The following ANKS1B variants were observed in gnomAD, a reference collection of about 807,000 sequenced individuals.
ANKS1B encodes ankyrin repeat and sterile alpha motif domain containing 1B.
Under a neutral mutation model 148.3 loss-of-function variants are expected in ANKS1B, and 36 were observed. The ratio of observed to expected loss-of-function variants is 0.24; its 90% CI spans 0.19 to 0.32. The LOEUF (loss-of-function observed/expected upper bound fraction) is 0.32, where lower values mean the gene tolerates loss of function less well. Ranked by LOEUF, ANKS1B falls within the 10% of genes least tolerant of loss-of-function variation. ANKS1B has a pLI of 1.00. For missense variants in ANKS1B, 1,157 were observed against 1,542.6 expected (o/e 0.75, Z 4.19); for synonymous variants, 542 against 560.8 (o/e 0.97, Z 0.47).
rs77638020 is a variant in ANKS1B, at chr12:99,499,461, C to T, written c.1438+5015G>A. ...AGGAGTTTATATTTTCTGAAAGTGGCTGCAAGAATATCTTCTTATAATGTG... is the reference window on the plus strand; with the variant it reads ...AGGAGTTTATATTTTCTGAAAGTGGTTGCAAGAATATCTTCTTATAATGTG... On this transcript the variant is annotated intron_variant, in intron 10 of 26. Transcript: ENST00000683438. 7.9e-3 allele frequency among the ~76,000 whole-genome samples: 1,195 copies of T among 152,218 alleles called. 12 individuals carry two copies. Among genetic ancestry groups the T allele is most frequent in the African/African-American group, 0.027 (1,112 of 41,532 alleles).
At chr12:99,237,583 A>C (rs955967155) in intron 14 of ANKS1B, among the ~76,000 whole-genome samples, 4 of 152,184 alleles carry the variant, frequency 2.6e-5, no homozygotes, top group African/African-American at 9.7e-5. Context: ...GTATTATGGG[A>C]TACATAAAGA....
intron 26 of ANKS1B, among the ~76,000 whole-genome samples, chr12:98,747,368 T>C (rs1410545601): frequency 3.3e-5 from 5 of 152,104 alleles, no homozygotes; most frequent in Non-Finnish European, 7.4e-5. Flanking sequence ...TCACTAATCA[T>C]CAGGGACATG....
At chr12:99,332,124 T>C (rs566483480) in intron 12 of ANKS1B, among the ~76,000 whole-genome samples, 1 of 152,046 alleles carries the variant, frequency 6.6e-6, no homozygotes, top group South Asian at 2.1e-4. Context: ...CTGTATAGCG[T>C]GTTAAAGTGT....
chr12:99,951,673 G>A (rs776562965), intron 1 of ANKS1B, among the ~76,000 whole-genome samples: 2 of 151,466 alleles, frequency 1.3e-5, no homozygotes, highest in African/African-American at 4.9e-5. Flanking sequence ...CCAGGAGCTC[G>A]AGATCAGCCT....
chr12:99,412,964 G>C (rs1037105300), intron 11 of ANKS1B, among the ~76,000 whole-genome samples: 1 of 152,162 alleles, frequency 6.6e-6, no homozygotes, highest in Non-Finnish European at 1.5e-5. Context: ...TGAATATGAT[G>C]TTAATGTGAT....
intron 16 of ANKS1B, among the ~76,000 whole-genome samples, chr12:99,081,611 AT>A (rs892555023): frequency 4.3e-4 from 66 of 152,200 alleles, no homozygotes; most frequent in Middle Eastern, 6.8e-3. Context: ...CTCTCTACTA[AT>A]TTGTGTGCAG....
At chr12:99,634,979 T>C (rs1465574876) in intron 9 of ANKS1B, among the ~76,000 whole-genome samples, 1 of 152,112 alleles carries the variant, frequency 6.6e-6, no homozygotes, top group Non-Finnish European at 1.5e-5. Flanking sequence ...CCAGAGAAGA[T>C]ATACAAATGG....
At chr12:99,885,557 C>T (rs932577317) in intron 1 of ANKS1B, among the ~76,000 whole-genome samples, 2 of 152,226 alleles carry the variant, frequency 1.3e-5, no homozygotes, top group East Asian at 3.9e-4. Context: ...CCCGCCTGGG[C>T]CTCCCAAAGT....
At chr12:99,455,395 AAG>A (rs2095830712) in intron 10 of ANKS1B, among the ~76,000 whole-genome samples, 1 of 152,212 alleles carries the variant, frequency 6.6e-6, no homozygotes, top group African/African-American at 2.4e-5. Context: ...CTTTTGCTCC[AAG>A]AACTACCATA....
chr12:99,525,546 G>T (rs974471750), intron 9 of ANKS1B, among the ~76,000 whole-genome samples: 1 of 152,072 alleles, frequency 6.6e-6, no homozygotes, highest in African/African-American at 2.4e-5. Context: ...TTAAAAGAAG[G>T]TTCTGATGCT....
intron 8 of ANKS1B, among the ~76,000 whole-genome samples, chr12:99,667,428 T>G (rs1443545986): frequency 6.6e-6 from 1 of 152,074 alleles, no homozygotes; most frequent in East Asian, 1.9e-4. Context: ...AAAAAAAAAT[T>G]TGATTTTTAT....
intron 17 of ANKS1B, among the ~76,000 whole-genome samples, chr12:98,901,774 A>G (rs1280322906): frequency 6.6e-6 from 1 of 152,172 alleles, no homozygotes; most frequent in Non-Finnish European, 1.5e-5. Context: ...GAGTCCCACG[A>G]GTTAGGCATT....
In ANKS1B at chr12:99,731,413, C is replaced by CGTGTGTGT. The variant is rs71088145; in HGVS notation, c.1128+41501_1128+41508dup. Among the ~76,000 whole-genome samples the CGTGTGTGT allele has an allele frequency of 9.5e-3, 1,362 of 143,744 alleles. 8 individuals are homozygous for CGTGTGTGT. The highest frequency in any genetic ancestry group is 0.013 in the African/African-American group (498 of 38,350). 94.3% of individuals were successfully genotyped at this position (143,744 alleles called of 152,430 possible). On this transcript the variant is annotated intron_variant, in intron 8 of 26. Transcript: ENST00000683438. ...GGATTATAGGCGTGAACCACCGTGC[C>CGTGTGTGT]GTGTGTGTGTGTGTGTGTGTGTGTG... is the stretch of plus-strand genomic sequence containing the variant.
At chr12:98,934,705 T>G (rs2099816822) in intron 17 of ANKS1B, among the ~76,000 whole-genome samples, 1 of 152,046 alleles carries the variant, frequency 6.6e-6, no homozygotes, top group Non-Finnish European at 1.5e-5. Flanking sequence ...TTTCTAGATA[T>G]TTTATTTTTT....
intron 17 of ANKS1B, among the ~76,000 whole-genome samples, chr12:99,001,992 T>G (rs1427233315): frequency 1.3e-5 from 2 of 152,228 alleles, no homozygotes; most frequent in Admixed American, 6.5e-5. Flanking sequence ...TCTTCTTTTT[T>G]TAAAGACTGA....
intron 15 of ANKS1B, among the ~76,000 whole-genome samples, chr12:99,134,868 T>TA (rs1056530482): frequency 4.6e-5 from 7 of 151,014 alleles, no homozygotes; most frequent in Non-Finnish European, 7.4e-5. Context: ...ACCTGGAAAT[T>TA]AAAAAAAAAT....
intron 9 of ANKS1B, among the ~76,000 whole-genome samples, chr12:99,652,706 TTAA>T (rs1329268128): frequency 6.6e-6 from 1 of 152,104 alleles, no homozygotes; most frequent in Non-Finnish European, 1.5e-5. Context: ...TAGTTTTAAT[TTAA>T]TAATGGATAA....
intron 1 of ANKS1B, among the ~76,000 whole-genome samples, chr12:99,973,189 G>T (rs1236058929): frequency 1.3e-5 from 2 of 152,226 alleles, no homozygotes; most frequent in Admixed American, 1.3e-4. Flanking sequence ...GTAGCCCAGA[G>T]ATTGAGGAGT....
intron 12 of ANKS1B, among the ~76,000 whole-genome samples, chr12:99,254,775 T>G (rs1282478029): frequency 6.6e-6 from 1 of 152,176 alleles, no homozygotes; most frequent in Non-Finnish European, 1.5e-5. Flanking sequence ...GTTATGTAAT[T>G]TTTCTCCTTT....
Sources: allele counts gnomAD v4.1 joint callset (sites outside exome capture counted in the v4.1 genomes callset), GRCh38; gene constraint gnomAD v4.1.1; transcripts MANE v1.5; gene names NCBI Gene and HGNC (gene_info 2026-07-23, HGNC 2026-07-21).